The following GPC5 variants were observed in gnomAD, a reference collection of about 807,000 sequenced individuals.
The protein encoded by GPC5 is glypican 5.
In GPC5, 47 loss-of-function variants were observed where a neutral mutation model predicts 53.9. The ratio of observed to expected loss-of-function variants is 0.87; its 90% CI spans 0.69 to 1.11. The LOEUF (loss-of-function observed/expected upper bound fraction) is 1.11. Among genes scored for constraint, GPC5 ranks in the 50% most tolerant of loss-of-function variants. The probability of loss-of-function intolerance (pLI) is 0.00; values close to 1 mark genes in which losing one functional copy is unlikely to be tolerated. For missense variants in GPC5, 748 were observed against 713.1 expected (o/e 1.05, Z -0.56); for synonymous variants, 286 against 263.3 (o/e 1.09, Z -0.84).
Position 91,483,788 on chromosome 13 carries a change from T to C in GPC5, c.325+34866T>C, listed in dbSNP as rs544565082. 2.7e-4 allele frequency among the ~76,000 whole-genome samples: 41 copies of C among 152,284 alleles called. 2 individuals are homozygous for C. In the South Asian group the frequency reaches 5.8e-3, roughly 22 times the overall value. On this transcript the variant is annotated intron_variant, in intron 2 of 7. Coordinates refer to ENST00000377067, the MANE Select transcript of GPC5 (RefSeq NM_004466.6). Reference sequence around the variant, plus strand: ...TTAGAAACTCCAAATTTAAGCAAAATGATGTATCATGAATCCAATGTTTTT... The same window carrying C: ...TTAGAAACTCCAAATTTAAGCAAAACGATGTATCATGAATCCAATGTTTTT...
chr13:91,838,698 T>C (rs9515981), intron 5 of GPC5, among the ~76,000 whole-genome samples: 49,303 of 151,774 alleles, frequency 0.32, 9,482 homozygotes, highest in East Asian at 0.64. Context: ...GCTGGGGCTT[T>C]TATATTTTCC....
intron 6 of GPC5, among the ~76,000 whole-genome samples, chr13:92,064,134 A>G (rs1188158930): frequency 6.6e-6 from 1 of 152,190 alleles, no homozygotes; most frequent in Non-Finnish European, 1.5e-5. Flanking sequence ...AGGTTTTACA[A>G]AACTACTTCA....
intron 5 of GPC5, among the ~76,000 whole-genome samples, chr13:91,870,316 C>A (rs2039130414): frequency 6.6e-6 from 1 of 152,102 alleles, no homozygotes; most frequent in African/African-American, 2.4e-5. Context: ...CAAATGACAG[C>A]AATTCTTGTC....
chr13:92,800,586 C>CCA (rs1175579415), intron 7 of GPC5, among the ~76,000 whole-genome samples: 1 of 151,778 alleles, frequency 6.6e-6, no homozygotes, highest in Non-Finnish European at 1.5e-5. Flanking sequence ...CTTGCTCCTG[C>CCA]TTTATGAATG....
chr13:92,174,489 C>T (rs565948481), intron 7 of GPC5, among the ~76,000 whole-genome samples: 7 of 150,726 alleles, frequency 4.6e-5, no homozygotes, highest in Admixed American at 1.3e-4. Context: ...GCGCAGAGAT[C>T]GCACCACTGC....
At chr13:92,627,949 TG>T (rs572158516) in intron 7 of GPC5, among the ~76,000 whole-genome samples, 288 of 152,326 alleles carry the variant, frequency 1.9e-3, no homozygotes, top group African/African-American at 6.7e-3. Flanking sequence ...TTCTTTTTAC[TG>T]CTCTCTAATA....
chr13:91,588,195 C>T (rs1454696100), intron 2 of GPC5, among the ~76,000 whole-genome samples: 1 of 152,058 alleles, frequency 6.6e-6, no homozygotes. Context: ...CTGGCTAATG[C>T]TCATAAAACA....
chr13:92,637,422 C>A (rs1885444726), intron 7 of GPC5, among the ~76,000 whole-genome samples: 1 of 152,078 alleles, frequency 6.6e-6, no homozygotes, highest in South Asian at 2.1e-4. Context: ...GGGCAGGGTA[C>A]AAACCACTAG....
intron 7 of GPC5, among the ~76,000 whole-genome samples, chr13:92,735,194 G>A (rs1206850664): frequency 6.6e-6 from 1 of 151,822 alleles, no homozygotes; most frequent in East Asian, 1.9e-4. Context: ...TGGGTAAATA[G>A]TACAAAAATA....
intron 6 of GPC5, among the ~76,000 whole-genome samples, chr13:91,999,356 G>A (rs2040534038): frequency 1.3e-5 from 2 of 152,086 alleles, no homozygotes; most frequent in East Asian, 1.9e-4. Context: ...TTCAAAAGAT[G>A]ATGACCATAA....
chr13:91,468,602 C>T (rs1490733946), intron 2 of GPC5, among the ~76,000 whole-genome samples: 2 of 152,232 alleles, frequency 1.3e-5, no homozygotes, highest in South Asian at 4.1e-4. Flanking sequence ...TCCTTCACAG[C>T]CTTCAGAAGA....
At chr13:91,848,832 C>A (rs2038880912) in intron 5 of GPC5, among the ~76,000 whole-genome samples, 1 of 152,072 alleles carries the variant, frequency 6.6e-6, no homozygotes, top group Non-Finnish European at 1.5e-5. Flanking sequence ...AAATAATTTA[C>A]AAGATAGTAC....
At chr13:91,709,078 G>T (rs900069956) in intron 3 of GPC5, among the ~76,000 whole-genome samples, 3 of 152,088 alleles carry the variant, frequency 2.0e-5, no homozygotes, top group African/African-American at 7.2e-5. Context: ...ACATTCATTC[G>T]AATATTCAAG....
At chr13:92,848,061 G>C (rs1166663393) in intron 7 of GPC5, among the ~76,000 whole-genome samples, 1 of 152,162 alleles carries the variant, frequency 6.6e-6, no homozygotes, top group African/African-American at 2.4e-5. Context: ...GAGTCAGGAG[G>C]CTGGCATGTT....
chr13:91,867,346 C>A (rs2039096447), intron 5 of GPC5, among the ~76,000 whole-genome samples: 1 of 152,188 alleles, frequency 6.6e-6, no homozygotes, highest in Admixed American at 6.5e-5. Context: ...TTTGCCTGAA[C>A]TCTAATCTTC....
At chr13:92,801,157 C>T (rs954107962) in intron 7 of GPC5, among the ~76,000 whole-genome samples, 1 of 151,230 alleles carries the variant, frequency 6.6e-6, no homozygotes, top group Non-Finnish European at 1.5e-5. Context: ...TATTGTTATG[C>T]AACCCATGAC....
At chr13:91,580,077 G>T (rs75447800) in intron 2 of GPC5, among the ~76,000 whole-genome samples, 2 of 152,008 alleles carry the variant, frequency 1.3e-5, no homozygotes, top group Admixed American at 1.3e-4. Context: ...TTGAAACAGA[G>T]TCTTGCTCTG....
chr13:92,330,660 G>A (rs1456501511), intron 7 of GPC5, among the ~76,000 whole-genome samples: 1 of 152,138 alleles, frequency 6.6e-6, no homozygotes, highest in Non-Finnish European at 1.5e-5. Context: ...ACATATTTAT[G>A]TATTACTTTT....
At chr13:92,516,388 A>G (rs1015581155) in intron 7 of GPC5, among the ~76,000 whole-genome samples, 1 of 152,214 alleles carries the variant, frequency 6.6e-6, no homozygotes, top group Non-Finnish European at 1.5e-5. Flanking sequence ...TTTAAAAAAT[A>G]CAAGTTTGTA....
Sources: gnomAD v4.1 joint callset for allele counts (sites outside exome capture counted in the v4.1 genomes callset) on GRCh38, gnomAD v4.1.1 for gene constraint, MANE v1.5 for transcripts, NCBI Gene and HGNC (gene_info 2026-07-23, HGNC 2026-07-21) for gene names.